PTPRD: variants seen among roughly 807,000 people sequenced by gnomAD.
The protein encoded by PTPRD is receptor-type tyrosine-protein phosphatase delta.
A neutral mutation model predicts 214.5 loss-of-function variants in PTPRD; 34 were observed. The ratio of observed to expected loss-of-function variants is 0.16; its 90% CI spans 0.12 to 0.21. The LOEUF is 0.21. Among genes scored for constraint, PTPRD ranks in the 10% least tolerant of loss-of-function variants. The pLI, the probability that PTPRD is intolerant of heterozygous loss-of-function variation, is 1.00. For synonymous variants in PTPRD, 1,128 were observed against 845.7 expected (o/e 1.33, Z -5.79); for missense variants, 2,545 against 2,398.7 (o/e 1.06, Z -1.27).
chr9:10,162,161 A>T (rs7469584), intron 3 of PTPRD, among the ~76,000 whole-genome samples: 17,419 of 151,512 alleles, frequency 0.11, 1,091 homozygotes, highest in South Asian at 0.17. Flanking sequence ...AAAAATCACA[A>T]CTACCTTAGG....
intron 9 of PTPRD, among the ~76,000 whole-genome samples, chr9:9,379,099 A>T (rs1368662193): frequency 1.3e-5 from 2 of 149,646 alleles, no homozygotes; most frequent in African/African-American, 4.9e-5. Context: ...ATCTAGAATT[A>T]CTCCCGTTTT....
chr9:10,451,229 G>C (rs957489140), intron 2 of PTPRD, among the ~76,000 whole-genome samples: 9 of 151,806 alleles, frequency 5.9e-5, no homozygotes, highest in Non-Finnish European at 1.0e-4. Flanking sequence ...ACAAAACACT[G>C]TTTCAGGTGT....
chr9:9,970,595 G>C (rs2095041625), intron 4 of PTPRD, among the ~76,000 whole-genome samples: 1 of 152,074 alleles, frequency 6.6e-6, no homozygotes, highest in African/African-American at 2.4e-5. Context: ...GGGCAGACAA[G>C]CTAAAAATCT....
At chr9:10,512,030 G>GTA (rs60793476) in intron 2 of PTPRD, among the ~76,000 whole-genome samples, 12 of 82,496 alleles carry the variant, frequency 1.5e-4, no homozygotes, top group Non-Finnish European at 2.2e-4. Flanking sequence ...ATATATATAT[G>GTA]TATATATATA....
chr9:9,917,300 C>G (rs1160982389), intron 5 of PTPRD, among the ~76,000 whole-genome samples: 1 of 28,402 alleles, frequency 3.5e-5, no homozygotes, highest in East Asian at 5.7e-4. Flanking sequence ...ATTAGCTAGA[C>G]TGAAAAAAAA....
At chr9:9,443,268 T>C (rs2088967324) in intron 8 of PTPRD, among the ~76,000 whole-genome samples, 1 of 150,204 alleles carries the variant, frequency 6.7e-6, no homozygotes, top group African/African-American at 2.5e-5. Context: ...AATAACAGCA[T>C]GGACAGGATC....
chr9:10,272,022 G>A (rs908742817), intron 3 of PTPRD, among the ~76,000 whole-genome samples: 1 of 151,940 alleles, frequency 6.6e-6, no homozygotes, highest in Admixed American at 6.6e-5. Flanking sequence ...TATATTCACA[G>A]AGTTTTGAAA....
At chr9:10,013,530 G>T (rs1252251889) in intron 4 of PTPRD, among the ~76,000 whole-genome samples, 1 of 150,626 alleles carries the variant, frequency 6.6e-6, no homozygotes, top group East Asian at 1.9e-4. Context: ...AATTTCAGAG[G>T]TAAAGTCAGT....
chr9:10,103,377 T>TTTTATATATATATATATATA (rs1554643479), intron 3 of PTPRD, among the ~76,000 whole-genome samples: 6 of 72,424 alleles, frequency 8.3e-5, no homozygotes, highest in African/African-American at 4.4e-4. Context: ...AAACTGCATA[T>TTTTATATATATATATATATA]TATATATATA....
chr9:9,680,807 C>T (rs930683828), intron 7 of PTPRD, among the ~76,000 whole-genome samples: 3 of 151,722 alleles, frequency 2.0e-5, no homozygotes, highest in Non-Finnish European at 4.4e-5. Flanking sequence ...AGCTGATTAA[C>T]TGCCTGCCAG....
intron 8 of PTPRD, among the ~76,000 whole-genome samples, chr9:9,455,443 A>G (rs1396051689): frequency 6.6e-6 from 1 of 151,658 alleles, no homozygotes; most frequent in Non-Finnish European, 1.5e-5. Context: ...AACAATACCA[A>G]CAGTGCAGAA....
At chr9:9,845,182 TGCTCTATATATATA>T (rs2059287651) in intron 5 of PTPRD, among the ~76,000 whole-genome samples, 2 of 50,066 alleles carry the variant, frequency 4.0e-5, no homozygotes, top group Admixed American at 1.8e-4. Flanking sequence ...ATATATATAT[TGCTCTATATATATA>T]GCTATATATA....
At chr9:9,617,135 T>C (rs947152862) in intron 7 of PTPRD, among the ~76,000 whole-genome samples, 1 of 152,200 alleles carries the variant, frequency 6.6e-6, no homozygotes, top group African/African-American at 2.4e-5. Context: ...AGAATGCTTA[T>C]TCTGGGAGTT....
Position 9,156,285 on chromosome 9 carries a change from T to C in PTPRD, c.-143+27019A>G, listed in dbSNP as rs889887940. Among the ~76,000 whole-genome samples the C allele has an allele frequency of 4.6e-5, 7 of 152,028 alleles. No homozygotes were observed. In the East Asian group the frequency reaches 1.3e-3, roughly 29 times the overall value. ...AAAATACCTTTAGTCAATGTTATAATACATAATAGCTGACTTCCTAATTTT... is the reference window on the plus strand; with the variant it reads ...AAAATACCTTTAGTCAATGTTATAACACATAATAGCTGACTTCCTAATTTT... On this transcript the variant is annotated intron_variant, in intron 10 of 45. Transcript: ENST00000381196.
intron 3 of PTPRD, among the ~76,000 whole-genome samples, chr9:10,185,462 T>G (rs2099325890): frequency 6.6e-6 from 1 of 152,180 alleles, no homozygotes. Context: ...TTTCCTCCTT[T>G]GTGGTAAACT....
intron 2 of PTPRD, among the ~76,000 whole-genome samples, chr9:10,561,818 T>C (rs2038592): frequency 0.33 from 50,267 of 151,916 alleles, 8,501 homozygotes; most frequent in Non-Finnish European, 0.36. Flanking sequence ...CTCTGACTCT[T>C]GGCTTTTAAT....
chr9:10,137,696 TATA>T (rs2098952333), intron 3 of PTPRD, among the ~76,000 whole-genome samples: 1 of 86,898 alleles, frequency 1.2e-5, no homozygotes, highest in Non-Finnish European at 2.5e-5. Flanking sequence ...AAACTTAGAG[TATA>T]ATAAAAAAAA....
chr9:9,024,348 G>GTTTTTTTTTTTTTTTTTTTTTTTTT (rs752607769), intron 10 of PTPRD, among the ~76,000 whole-genome samples: 1 of 64,182 alleles, frequency 1.6e-5, no homozygotes, highest in Non-Finnish European at 3.8e-5. Flanking sequence ...GTTTTTTTTT[G>GTTTTTTTTTTTTTTTTTTTTTTTTT]TTTGTTTTTT....
intron 9 of PTPRD, among the ~76,000 whole-genome samples, chr9:9,334,754 G>A (rs567239412): frequency 1.3e-5 from 2 of 151,744 alleles, no homozygotes; most frequent in South Asian, 2.1e-4. Flanking sequence ...TTATTATCAT[G>A]ATCATCATCA....
Sources: allele counts gnomAD v4.1 joint callset (sites outside exome capture counted in the v4.1 genomes callset), GRCh38; gene constraint gnomAD v4.1.1; transcripts MANE v1.5; gene names NCBI Gene and HGNC (gene_info 2026-07-23, HGNC 2026-07-21).